The following FLRT2 variants were observed in gnomAD, a reference collection of about 807,000 sequenced individuals.
FLRT2 encodes the protein fibronectin leucine rich transmembrane protein 2.
In FLRT2, 15 loss-of-function variants were observed where a neutral mutation model predicts 40.0. The ratio of observed to expected loss-of-function variants is 0.38; its 90% CI spans 0.25 to 0.58. The LOEUF (loss-of-function observed/expected upper bound fraction) is 0.58, where lower values mean the gene tolerates loss of function less well. Ranked by LOEUF, FLRT2 falls within the 20% of genes least tolerant of loss-of-function variation. FLRT2 has a pLI of 0.71. For synonymous variants in FLRT2, 380 were observed against 336.8 expected, an observed-to-expected ratio of 1.13 and a Z score of -1.41; for missense variants, 726 against 840.0, an observed-to-expected ratio of 0.86 and a Z score of 1.68.
intron 1 of FLRT2, among the ~76,000 whole-genome samples, chr14:85,570,757 A>ATT (rs1040495024): frequency 6.7e-6 from 1 of 148,352 alleles, no homozygotes. Flanking sequence ...AATTTTTTGT[A>ATT]TTTTTTTTTA....
At chr14:85,611,445 G>A (rs532314411) in intron 1 of FLRT2, among the ~76,000 whole-genome samples, 5 of 152,322 alleles carry the variant, frequency 3.3e-5, no homozygotes, top group East Asian at 1.9e-4. Flanking sequence ...TTTAAAAAGC[G>A]TCAGAGAACC....
At position 85,652,955 on chromosome 14, in the gene FLRT2, C is replaced by T. The variant is rs923351851; in HGVS notation, c.*29458C>T. 2.6e-5 allele frequency: 4 copies of T among 152,070 alleles called. No individual in the cohort carries two copies. The highest frequency in any genetic ancestry group is 7.2e-5 in the African/African-American group (3 of 41,424). 9.4% of individuals were successfully genotyped at this position (152,070 alleles called of 1,614,324 possible). The stretch of plus-strand genomic sequence containing the variant: ...TCGATTTGTTCGGCTTGGGGAATGT[C>T]ATAGTTCATTCTGTGAGTGGAAGTT... On this transcript the variant is annotated 3_prime_UTR_variant, in exon 2 of 2. Coordinates refer to ENST00000330753, the MANE Select transcript of FLRT2 (RefSeq NM_013231.6).
chr14:85,616,696 A>C (rs866248592), intron 1 of FLRT2, among the ~76,000 whole-genome samples: 2 of 151,876 alleles, frequency 1.3e-5, no homozygotes, highest in Non-Finnish European at 2.9e-5. Context: ...CTAGGGTAGA[A>C]CTCTTTCCAC....
Position 85,645,215 on chromosome 14 carries a change from C to T in FLRT2, c.*21718C>T, listed in dbSNP as rs11159716. 6 of 149,142 alleles carry T rather than the reference C, an allele frequency of 4.0e-5. No homozygotes were observed. The highest frequency in any genetic ancestry group is 2.1e-4 in the South Asian group (1 of 4,784). The allele number at this position is 149,142 out of a possible 1,614,324, so 9.2% of individuals were successfully genotyped here. The stretch of plus-strand genomic sequence containing the variant: ...ATATGTATACATATGTATATATGTA[C>T]ACATGTGTATATATGTATATACATA... On this transcript the variant is annotated 3_prime_UTR_variant, in exon 2 of 2. Transcript: ENST00000330753.
In FLRT2 at chr14:85,632,860, C is replaced by G. The variant is rs1191830942; in HGVS notation, c.*9363C>G. The G allele has an allele frequency of 6.6e-6, 1 of 152,200 alleles. No homozygotes were observed. Among genetic ancestry groups the G allele is most frequent in the African/African-American group, 2.4e-5 (1 of 41,456 alleles). The allele number at this position is 152,200 out of a possible 1,614,324, so 9.4% of individuals were successfully genotyped here. A position where few individuals can be genotyped will look rare whatever the true frequency, so the allele number is the denominator to read the frequency against. On this transcript the variant is annotated 3_prime_UTR_variant, in exon 2 of 2. Transcript: ENST00000330753. Reference sequence around the variant, plus strand: ...TTCAACCACTGACCTGCCAATTTGCCTTGGCAATAACTTGCACTTTAGGGT... The same window carrying G: ...TTCAACCACTGACCTGCCAATTTGCGTTGGCAATAACTTGCACTTTAGGGT...
intron 1 of FLRT2, among the ~76,000 whole-genome samples, chr14:85,589,644 C>T (rs1489644691): frequency 1.3e-5 from 2 of 152,076 alleles, no homozygotes; most frequent in African/African-American, 4.8e-5. Flanking sequence ...TTTGCTTTGG[C>T]TGCCTGTGCT....
rs111737023 is a variant in FLRT2, at chr14:85,538,359, G to T, written c.-377+7825G>T. Reference sequence around the variant, plus strand: ...ACTTACTAAGGACATACTTTTTCTGGCAGTTTAATGGTTAAAGACCTCAGC... The same window carrying T: ...ACTTACTAAGGACATACTTTTTCTGTCAGTTTAATGGTTAAAGACCTCAGC... On this transcript the variant is annotated intron_variant, in intron 1 of 1. Coordinates refer to ENST00000330753, the MANE Select transcript of FLRT2 (RefSeq NM_013231.6). 3.8e-3 allele frequency among the ~76,000 whole-genome samples: 582 copies of T among 152,208 alleles called. 4 individuals carry two copies. The highest frequency in any genetic ancestry group is 0.014 in the African/African-American group (563 of 41,536).
At chr14:85,605,484 C>A (rs1892563618) in intron 1 of FLRT2, among the ~76,000 whole-genome samples, 1 of 152,250 alleles carries the variant, frequency 6.6e-6, no homozygotes, top group African/African-American at 2.4e-5. Flanking sequence ...TTAATAATAA[C>A]TTGTGGCTGG....
chr14:85,608,810 C>T (rs141170464), intron 1 of FLRT2, among the ~76,000 whole-genome samples: 3 of 152,288 alleles, frequency 2.0e-5, no homozygotes, highest in East Asian at 3.9e-4. Flanking sequence ...AACAGGCCCA[C>T]GCAAACATTT....
intron 1 of FLRT2, among the ~76,000 whole-genome samples, chr14:85,557,125 T>C (rs1020491881): frequency 7.2e-5 from 11 of 152,162 alleles, no homozygotes; most frequent in African/African-American, 2.7e-4. Context: ...ATTATGGGAA[T>C]ATGATTCAAG....
intron 1 of FLRT2, among the ~76,000 whole-genome samples, chr14:85,583,698 G>A (rs1474445468): frequency 6.6e-6 from 1 of 152,146 alleles, no homozygotes; most frequent in African/African-American, 2.4e-5. Context: ...TTTACATAAC[G>A]TGGAGTGCTG....
intron 1 of FLRT2, among the ~76,000 whole-genome samples, chr14:85,586,690 A>G (rs1199341735): frequency 7.1e-6 from 1 of 140,022 alleles, no homozygotes; most frequent in African/African-American, 2.9e-5. Flanking sequence ...GTAAATATAT[A>G]TGTACACACA....
Position 85,600,040 on chromosome 14 carries a change from G to A in FLRT2, c.-376-21099G>A, listed in dbSNP as rs73321517. Among the ~76,000 whole-genome samples the A allele has an allele frequency of 8.3e-3, 1,262 of 152,304 alleles. 19 individuals carry two copies. Among genetic ancestry groups the A allele is most frequent in the African/African-American group, 0.028 (1,151 of 41,558 alleles). ...GTTTAGAGACTGGAGACAAAGAGATGTGACGCAAGTGCAGTTCAGCTCATT... is the reference window on the plus strand; with the variant it reads ...GTTTAGAGACTGGAGACAAAGAGATATGACGCAAGTGCAGTTCAGCTCATT... On this transcript the variant is annotated intron_variant, in intron 1 of 1. Transcript: ENST00000330753.
At chr14:85,541,123 T>C (rs1484436338) in intron 1 of FLRT2, among the ~76,000 whole-genome samples, 1 of 152,194 alleles carries the variant, frequency 6.6e-6, no homozygotes, top group Non-Finnish European at 1.5e-5. Context: ...GATTTTCTTT[T>C]TCCAAATAGG....
In FLRT2 at chr14:85,629,672, C is replaced by T. The variant is rs1893817750; in HGVS notation, c.*6175C>T. 1 of 152,148 alleles carries T rather than the reference C, an allele frequency of 6.6e-6. No homozygotes were observed. Among genetic ancestry groups the T allele is most frequent in the Admixed American group, 6.6e-5 (1 of 15,260 alleles). 9.4% of individuals were successfully genotyped at this position (152,148 alleles called of 1,614,324 possible). ...TTACCACTGAGCATGACTCCATGGA[C>T]TCTTAATTGTTTTCCTGCCTCTTAA... On this transcript the variant is annotated 3_prime_UTR_variant, in exon 2 of 2. Coordinates refer to ENST00000330753, the MANE Select transcript of FLRT2 (RefSeq NM_013231.6).
At chr14:85,576,131 G>A (rs912869653) in intron 1 of FLRT2, among the ~76,000 whole-genome samples, 2 of 152,154 alleles carry the variant, frequency 1.3e-5, no homozygotes, top group African/African-American at 4.8e-5. Flanking sequence ...CCAAGCATGA[G>A]GTAAAATGAT....
chr14:85,560,587 A>G (rs926451427), intron 1 of FLRT2, among the ~76,000 whole-genome samples: 1 of 151,904 alleles, frequency 6.6e-6, no homozygotes, highest in Non-Finnish European at 1.5e-5. Flanking sequence ...TCTCAAAAAT[A>G]AATAAATAAA....
chr14:85,536,128 A>T (rs1262547083), intron 1 of FLRT2, among the ~76,000 whole-genome samples: 1 of 151,792 alleles, frequency 6.6e-6, no homozygotes, highest in Non-Finnish European at 1.5e-5. Context: ...TACGAGTTTG[A>T]CTTTGACCGG....
intron 1 of FLRT2, among the ~76,000 whole-genome samples, chr14:85,585,919 A>G (rs532036032): frequency 4.6e-5 from 7 of 151,580 alleles, no homozygotes; most frequent in African/African-American, 1.7e-4. Flanking sequence ...TATTTTGATA[A>G]TTTACTTCTT....
Sources: gnomAD v4.1 joint callset for allele counts (sites outside exome capture counted in the v4.1 genomes callset) on GRCh38, gnomAD v4.1.1 for gene constraint, MANE v1.5 for transcripts, NCBI Gene and HGNC (gene_info 2026-07-23, HGNC 2026-07-21) for gene names.